The following VANGL1 variants were observed in gnomAD, a reference collection of about 807,000 sequenced individuals.
The protein encoded by VANGL1 is VANGL planar cell polarity protein 1, also known as vang-like protein 1.
A neutral mutation model predicts 48.4 loss-of-function variants in VANGL1; 18 were observed. The observed-to-expected ratio is 0.37, with a 90% confidence interval of 0.26 to 0.55. The LOEUF is 0.55. Among genes scored for constraint, VANGL1 ranks in the 20% least tolerant of loss-of-function variants. The pLI is 0.81. For missense variants in VANGL1, 667 were observed against 675.8 expected, an observed-to-expected ratio of 0.99 and a Z score of 0.14; for synonymous variants, 257 against 261.8, an observed-to-expected ratio of 0.98 and a Z score of 0.18.
chr1:115,664,379 C>A lies in VANGL1; in HGVS notation c.812+111C>A. Reference sequence around the variant, plus strand: ...AGATGCCAAGAGCTAGGACCAGAGTCTGACTCTTTTCTGGTTTGGGGAGGA... The same window carrying A: ...AGATGCCAAGAGCTAGGACCAGAGTATGACTCTTTTCTGGTTTGGGGAGGA... On this transcript the variant is annotated intron_variant, in intron 4 of 7. Coordinates refer to ENST00000355485, the MANE Select transcript of VANGL1 (RefSeq NM_138959.3). 4.7e-6 allele frequency: 7 copies of A among 1,473,742 alleles called. No individual in the cohort carries two copies. The African/African-American group carries it at 5.6e-5, about 12-fold the overall frequency. 91.3% of individuals were successfully genotyped at this position (1,473,742 alleles called of 1,614,324 possible). A position where few individuals can be genotyped will look rare whatever the true frequency, so the allele number is the denominator to read the frequency against.
At position 115,685,293 on chromosome 1, in the gene VANGL1, G is replaced by T; in HGVS notation, c.1080G>T (p.Arg360Ser). ...TACTTAGTGTTGCATCACCTTCTAG[G>T]CTGGTGGTTGCAGTGGAAGAGGCCT... ...HERRVKKRKA[R>S]LVVAVEEAFI... Residue 360 changes from arginine (R) to serine (S), a missense_variant and splice_region_variant, in exon 7 of 8, where the codon AGG becomes AGT. Arg to Ser is a moderately radical substitution (Grantham distance 110). Transcript: ENST00000355485. The T allele has an allele frequency of 6.2e-7, 1 of 1,614,054 alleles. No homozygotes were observed.
rs200916209 is a variant in VANGL1, at chr1:115,690,884, T to TG, written c.1315-234dup. ...TCCCCTCTGTGGGTACCACTATTCT[T>TG]GCGCTTGGTGGATAGTAGGTAAAGG... On this transcript the variant is annotated intron_variant, in intron 7 of 7. Coordinates refer to ENST00000355485, the MANE Select transcript of VANGL1 (RefSeq NM_138959.3). Among the ~76,000 whole-genome samples the TG allele has an allele frequency of 4.0e-3, 616 of 152,270 alleles. 2 individuals are homozygous for TG. Among genetic ancestry groups the TG allele is most frequent in the African/African-American group, 0.012 (505 of 41,552 alleles).
At chr1:115,658,333 A>G (rs915275878) in intron 2 of VANGL1, among the ~76,000 whole-genome samples, 26 of 152,210 alleles carry the variant, frequency 1.7e-4, no homozygotes, top group African/African-American at 6.0e-4. Context: ...TCTTTCTCCA[A>G]GGTTATACAC....
intron 1 of VANGL1, among the ~76,000 whole-genome samples, chr1:115,645,585 T>C (rs1651881909): frequency 6.6e-6 from 1 of 152,196 alleles, no homozygotes; most frequent in South Asian, 2.1e-4. Context: ...TGAATGCTCT[T>C]CACCCACAAT....
Position 115,659,659 on chromosome 1 carries a change from A to G in VANGL1, c.90A>G (p.Arg30=). ...SHRQGERTRE[R]HKSPRNKDGR... The stretch of plus-strand genomic sequence containing the variant: ...TTTTCAGGGAAAGAACTAGAGAGAG[A>G]CACAAGTCACCCCGGAATAAAGACG... Residue 30 remains arginine (R), a synonymous_variant, in exon 3 of 8, where the codon AGA becomes AGG. Transcript: ENST00000355485. 1.9e-6 allele frequency: 3 copies of G among 1,614,086 alleles called. No individual in the cohort carries two copies. Among genetic ancestry groups the G allele is most frequent in the Non-Finnish European group, 2.5e-6 (3 of 1,180,004 alleles).
At chr1:115,663,588 G>A in intron 3 of VANGL1, 73 bp from the exon 4 acceptor site, 2 of 1,608,128 alleles carry the variant, frequency 1.2e-6, no homozygotes, top group East Asian at 2.2e-5. Context: ...AGCGGGCCCT[G>A]CATGTTCACT....
intron 1 of VANGL1, among the ~76,000 whole-genome samples, chr1:115,644,281 G>T (rs1196527527): frequency 6.6e-6 from 1 of 152,160 alleles, no homozygotes; most frequent in Non-Finnish European, 1.5e-5. Flanking sequence ...TTAAACACTT[G>T]TTATGCGGAT....
chr1:115,661,432 A>G (rs1461825778), intron 3 of VANGL1, among the ~76,000 whole-genome samples: 1 of 152,092 alleles, frequency 6.6e-6, no homozygotes, highest in Non-Finnish European at 1.5e-5. Flanking sequence ...AATTAGAATC[A>G]TATGGTCCAT....
chr1:115,668,351 G>A (rs1161635039), intron 4 of VANGL1, among the ~76,000 whole-genome samples: 1 of 152,176 alleles, frequency 6.6e-6, no homozygotes, highest in Non-Finnish European at 1.5e-5. Flanking sequence ...AGAGCTTAGG[G>A]CTGGAACAGA....
chr1:115,648,797 C>G (rs1435153603), intron 1 of VANGL1, among the ~76,000 whole-genome samples: 1 of 152,200 alleles, frequency 6.6e-6, no homozygotes, highest in Non-Finnish European at 1.5e-5. Context: ...CCACCTGCCT[C>G]TGAGACACTC....
At chr1:115,675,764 T>C (rs954927624) in intron 4 of VANGL1, among the ~76,000 whole-genome samples, 10 of 152,184 alleles carry the variant, frequency 6.6e-5, no homozygotes, top group African/African-American at 2.4e-4. Context: ...CACTCCAGCT[T>C]GGGCGACAGA....
Position 115,682,429 on chromosome 1 carries a change from A to G in VANGL1, c.878A>G (p.Asn293Ser). The G allele has an allele frequency of 6.2e-7, 1 of 1,613,988 alleles. No individual in the cohort carries two copies. The highest frequency in any genetic ancestry group is 1.7e-5 in the Admixed American group (1 of 60,008). Residue 293 changes from asparagine to serine, a missense_variant, in exon 5 of 8, where the codon AAC becomes AGC. Transcript: ENST00000355485. The part of the protein sequence containing the change: ...YYKDFTIYNP[N>S]LLTASKFRAA... ...AAAGATTTCACCATCTATAACCCAA[A>G]CCTCCTAACAGCCTCCAAATTCCGA... is the stretch of plus-strand genomic sequence containing the variant.
At chr1:115,643,689 A>G (rs540059393) in intron 1 of VANGL1, among the ~76,000 whole-genome samples, 1 of 152,334 alleles carries the variant, frequency 6.6e-6, no homozygotes, top group East Asian at 1.9e-4. Flanking sequence ...CTGCTTGCCA[A>G]GCAGTACATT....
At chr1:115,656,331 A>C (rs559409141) in intron 2 of VANGL1, among the ~76,000 whole-genome samples, 1 of 152,318 alleles carries the variant, frequency 6.6e-6, no homozygotes, top group South Asian at 2.1e-4. Context: ...CAAAGAAGCA[A>C]ACTTCCAAGC....
At chr1:115,677,019 G>A (rs1570763693) in intron 4 of VANGL1, among the ~76,000 whole-genome samples, 1 of 152,314 alleles carries the variant, frequency 6.6e-6, no homozygotes, top group African/African-American at 2.4e-5. Context: ...ATGTTGTCTG[G>A]GGCCAGAGTC....
rs990710454 is a variant in VANGL1 at position 115,690,124 on chromosome 1, C to T, written c.1315-995C>T. On this transcript the variant is annotated intron_variant, in intron 7 of 7. Coordinates refer to ENST00000355485, the MANE Select transcript of VANGL1 (RefSeq NM_138959.3). ...TCAAACTCCTAGTATGTGCTAGGCACGTTGGAAATTCAAATTAAAGAAACA... is the reference window on the plus strand; with the variant it reads ...TCAAACTCCTAGTATGTGCTAGGCATGTTGGAAATTCAAATTAAAGAAACA... Among the ~76,000 whole-genome samples the T allele has an allele frequency of 8.6e-5, 8 of 93,486 alleles. 1 individual carries two copies. Among genetic ancestry groups the T allele is most frequent in the South Asian group, 3.7e-4 (1 of 2,710 alleles). The allele number at this position is 93,486 out of a possible 152,430, so 61.3% of individuals were successfully genotyped here.
At chr1:115,663,634 T>G in intron 3 of VANGL1, 27 bp from the exon 4 acceptor site, 3 of 1,614,096 alleles carry the variant, frequency 1.9e-6, no homozygotes, top group Non-Finnish European at 2.5e-6. Context: ...CTGTGTCATG[T>G]CATCCTCACT....
chr1:115,685,554 A>G (rs768832113), intron 7 of VANGL1, 27 bp downstream of exon 7: 3 of 1,609,740 alleles, frequency 1.9e-6, no homozygotes, highest in South Asian at 2.2e-5. Flanking sequence ...GGGCTCTGCC[A>G]CCGTCATCCT....
chr1:115,673,757 A>T, intron 4 of VANGL1, among the ~76,000 whole-genome samples: 2 of 151,042 alleles, frequency 1.3e-5, no homozygotes, highest in African/African-American at 2.4e-5. Context: ...ATGCCACCAC[A>T]CCCAGCTGCT....
Sources: gnomAD v4.1 joint callset for allele counts (sites outside exome capture counted in the v4.1 genomes callset) on GRCh38, gnomAD v4.1.1 for gene constraint, MANE v1.5 for transcripts, NCBI Gene and HGNC (gene_info 2026-07-23, HGNC 2026-07-21) for gene names.